The following TNR variants were observed in gnomAD, a reference collection of about 807,000 sequenced individuals.
TNR encodes tenascin R, also known as tenascin-R.
A neutral mutation model predicts 150.4 loss-of-function variants in TNR; 45 were observed. The ratio of observed to expected loss-of-function variants is 0.30; its 90% CI spans 0.24 to 0.38. The LOEUF (loss-of-function observed/expected upper bound fraction) is 0.38. Ranked by LOEUF, TNR falls within the 10% of genes least tolerant of loss-of-function variation. The pLI, the probability that TNR is intolerant of heterozygous loss-of-function variation, is 1.00. For synonymous variants in TNR, 687 were observed against 678.4 expected (o/e 1.01, Z -0.20); for missense variants, 1,544 against 1,759.1 (o/e 0.88, Z 2.19).
chr1:175,576,360 T>G (rs1284884449), intron 1 of TNR, among the ~76,000 whole-genome samples: 1 of 152,086 alleles, frequency 6.6e-6, no homozygotes, highest in Non-Finnish European at 1.5e-5. Flanking sequence ...CAGTCAGAAA[T>G]CTATTCAGTA....
rs570939417 is a variant in TNR at position 175,697,524 on chromosome 1, C to T, written c.-165+45702G>A. On this transcript the variant is annotated intron_variant, in intron 1 of 22. Coordinates refer to ENST00000367674, the MANE Select transcript of TNR (RefSeq NM_003285.3). ...CTACAGGCAGAGGCTGGGAAGTCCC[C>T]GCCCAGCCCCCCACAGGTTGACTAT... Among the ~76,000 whole-genome samples, 16 of 152,272 alleles carry T rather than the reference C, an allele frequency of 1.1e-4. No homozygotes were observed. In the South Asian group the frequency reaches 2.1e-3, roughly 20 times the overall value.
intron 1 of TNR, among the ~76,000 whole-genome samples, chr1:175,724,982 G>C (rs535820956): frequency 1.3e-5 from 2 of 152,106 alleles, no homozygotes; most frequent in African/African-American, 4.8e-5. Flanking sequence ...GTGTGAGAGG[G>C]GGCAAAGCTA....
Position 175,406,456 on chromosome 1 carries a change from C to T in TNR, c.259G>A (p.Ala87Thr), listed in dbSNP as rs1653967894. The T allele has an allele frequency of 1.2e-6, 2 of 1,614,218 alleles. No individual in the cohort carries two copies. Among genetic ancestry groups the T allele is most frequent in the South Asian group, 1.1e-5 (1 of 91,088 alleles). The change falls in exon 3 of 23, where the codon GCT becomes ACT. Residue 87 changes from alanine (A) to threonine (T), a missense_variant. Around this residue, in one of 2 missense-constraint regions of TNR, gnomAD observed 1,254 missense variants for 1,329.4 expected, o/e 0.94. Transcript: ENST00000367674. ...TCTTCTGCACTCACCTCCTGCTCAG[C>T]AGAGGCCTCTAGCCCTGAGGAGCAG... ...NLCSSGLEAS[A>T]EQEVSAEDET... is the part of the protein sequence containing the mutation.
At chr1:175,625,989 T>C (rs1664142926) in intron 1 of TNR, among the ~76,000 whole-genome samples, 1 of 152,092 alleles carries the variant, frequency 6.6e-6, no homozygotes, top group Non-Finnish European at 1.5e-5. Flanking sequence ...AATTGAATCA[T>C]GGGGGCCTGT....
chr1:175,524,525 G>A lies in TNR; in HGVS notation c.-64+3744C>T, dbSNP rs72725436. Reference sequence around the variant, plus strand: ...AGTGAGGAAAGGAGAGCAATGGGTGGATCAGGCTATAGAGGAGAAGGGTAA... The same window carrying A: ...AGTGAGGAAAGGAGAGCAATGGGTGAATCAGGCTATAGAGGAGAAGGGTAA... On this transcript the variant is annotated intron_variant, in intron 2 of 22. Coordinates refer to ENST00000367674, the MANE Select transcript of TNR (RefSeq NM_003285.3). Among the ~76,000 whole-genome samples, 806 of 152,208 alleles carry A rather than the reference G, an allele frequency of 5.3e-3. 5 individuals are homozygous for A. Among genetic ancestry groups the A allele is most frequent in the Middle Eastern group, 0.041 (12 of 292 alleles).
chr1:175,513,421 C>T (rs1371098870), intron 2 of TNR, among the ~76,000 whole-genome samples: 2 of 152,164 alleles, frequency 1.3e-5, no homozygotes, highest in African/African-American at 4.8e-5. Flanking sequence ...AGTTGGTCTG[C>T]CTGCAGAGAG....
intron 20 of TNR, among the ~76,000 whole-genome samples, chr1:175,331,078 C>CCTTCTTTCTTTCTTTCTTTCTTTCT (rs1649823861): frequency 1.7e-5 from 1 of 59,916 alleles, no homozygotes; most frequent in Non-Finnish European, 3.5e-5. Flanking sequence ...TCTTTCTTTC[C>CCTTCTTTCTTTCTTTCTTTCTTTCT]TTCTTTCTTT....
Position 175,400,648 on chromosome 1 carries a change from T to G in TNR, c.976+2492A>C, listed in dbSNP as rs192479271. ...ATCCACACAATGGGCAGCTATTTTC[T>G]ACGCCCTTGCCAAAGAGAAAAGAAT... On this transcript the variant is annotated intron_variant, in intron 4 of 22. Transcript: ENST00000367674. 1.4e-3 allele frequency among the ~76,000 whole-genome samples: 209 copies of G among 152,326 alleles called. 2 individuals are homozygous for G. Among genetic ancestry groups the G allele is most frequent in the African/African-American group, 4.3e-3 (178 of 41,580 alleles).
At chr1:175,627,792 T>C (rs974660490) in intron 1 of TNR, among the ~76,000 whole-genome samples, 1 of 152,204 alleles carries the variant, frequency 6.6e-6, no homozygotes, top group African/African-American at 2.4e-5. Context: ...ATGTGTTCTT[T>C]GGAAACACAA....
At chr1:175,664,444 T>C in intron 1 of TNR, among the ~76,000 whole-genome samples, 1 of 152,168 alleles carries the variant, frequency 6.6e-6, no homozygotes, top group East Asian at 1.9e-4. Context: ...AAAAGTGGAC[T>C]GCTCTGATAG....
intron 1 of TNR, among the ~76,000 whole-genome samples, chr1:175,593,604 A>G (rs1662891920): frequency 6.6e-6 from 1 of 152,192 alleles, no homozygotes; most frequent in South Asian, 2.1e-4. Flanking sequence ...CGATTCCCTC[A>G]TCACTATGAG....
chr1:175,423,806 C>T (rs1654856385), intron 2 of TNR, among the ~76,000 whole-genome samples: 1 of 152,092 alleles, frequency 6.6e-6, no homozygotes, highest in African/African-American at 2.4e-5. Flanking sequence ...CAGCTAGGGT[C>T]AACTGAAACT....
At chr1:175,654,891 T>C (rs969747890) in intron 1 of TNR, among the ~76,000 whole-genome samples, 1 of 151,850 alleles carries the variant, frequency 6.6e-6, no homozygotes, top group Non-Finnish European at 1.5e-5. Flanking sequence ...GCTAATTTTG[T>C]TTTTGTATTT....
intron 1 of TNR, among the ~76,000 whole-genome samples, chr1:175,741,491 A>C (rs1298412727): frequency 1.3e-5 from 2 of 152,194 alleles, no homozygotes; most frequent in South Asian, 2.1e-4. Flanking sequence ...CACTTGTTCA[A>C]ACTGGAAGAT....
At chr1:175,437,969 T>C (rs1238209343) in intron 2 of TNR, among the ~76,000 whole-genome samples, 1 of 152,200 alleles carries the variant, frequency 6.6e-6, no homozygotes, top group Non-Finnish European at 1.5e-5. Context: ...GCTGGTACCA[T>C]TCCTTCTGAA....
chr1:175,325,718 G>A (rs112308364), intron 21 of TNR, among the ~76,000 whole-genome samples: 3 of 152,306 alleles, frequency 2.0e-5, no homozygotes, highest in African/African-American at 7.2e-5. Context: ...GTCCTTTGCA[G>A]GGACATGGAT....
chr1:175,369,209 A>G (rs954941993), intron 9 of TNR, among the ~76,000 whole-genome samples: 1 of 152,196 alleles, frequency 6.6e-6, no homozygotes, highest in Non-Finnish European at 1.5e-5. Context: ...CTCCATCTAC[A>G]TTAGCTTCCT....
At chr1:175,412,998 A>T (rs965010727) in intron 2 of TNR, among the ~76,000 whole-genome samples, 1 of 151,534 alleles carries the variant, frequency 6.6e-6, no homozygotes, top group Non-Finnish European at 1.5e-5. Flanking sequence ...AAGAATGCTG[A>T]CTGTTCTGCA....
At position 175,406,345 on chromosome 1, in the gene TNR, C is replaced by A; in HGVS notation, c.370G>T (p.Ala124Ser). The A allele has an allele frequency of 6.2e-7, 1 of 1,614,148 alleles. No individual in the cohort carries two copies. The highest frequency in any genetic ancestry group is 8.5e-7 in the Non-Finnish European group (1 of 1,180,018). Residue 124 changes from alanine (A) to serine (S), a missense_variant, in exon 3 of 23, where the codon GCC (alanine) becomes TCC (serine). By Grantham distance (99) the Ala-to-Ser change is moderately conservative. Coordinates refer to ENST00000367674, the MANE Select transcript of TNR (RefSeq NM_003285.3). ...FTHRINFPKKACPCASSAQVL... is the reference protein window; with the variant it reads ...FTHRINFPKKSCPCASSAQVL... ...TGGGCTGAACTGGCACATGGACAGG[C>A]CTTTTTGGGGAAGTTGATCCTGTGT...
Sources: gnomAD v4.1 joint callset for allele counts (sites outside exome capture counted in the v4.1 genomes callset) on GRCh38, gnomAD v4.1.1 for gene constraint, gnomAD v4.1.1 regional missense constraint, MANE v1.5 for transcripts, NCBI Gene and HGNC (gene_info 2026-07-23, HGNC 2026-07-21) for gene names.